The following GNAI2 variants were observed in gnomAD, a reference collection of about 807,000 sequenced individuals.
GNAI2 encodes the protein G protein subunit alpha i2, also known as guanine nucleotide-binding protein G(i) subunit alpha-2.
In GNAI2, 4 loss-of-function variants were observed where a neutral mutation model predicts 36.8. The ratio of observed to expected loss-of-function variants is 0.11; its 90% CI spans 0.05 to 0.25. GNAI2 has a LOEUF of 0.25. Among genes scored for constraint, GNAI2 ranks in the 10% least tolerant of loss-of-function variants. GNAI2 has a pLI of 1.00. For missense variants in GNAI2, 230 were observed against 481.3 expected (o/e 0.48, Z 4.89); for synonymous variants, 194 against 194.1 (o/e 1.00, Z 0.01).
In GNAI2 at chr3:50,241,473, C is replaced by G. The variant is rs587614148; in HGVS notation, c.118+5020C>G. Among the ~76,000 whole-genome samples the G allele has an allele frequency of 6.6e-5, 10 of 152,310 alleles. No homozygotes were observed. The highest frequency in any genetic ancestry group is 2.4e-4 in the African/African-American group (10 of 41,568). ...TGCTAGGCTCAGCCCCTGCCTCTCA[C>G]GCCAGTGTCAGTGCAGCCAACATGA... On this transcript the variant is annotated intron_variant, in intron 1 of 8. Transcript: ENST00000313601. This position sits in a 1 kb window ranked among gnomAD's most constrained non-coding sequence, Gnocchi z 5.0.
chr3:50,249,226 A>C (rs1700491160), intron 1 of GNAI2, among the ~76,000 whole-genome samples: 1 of 152,160 alleles, frequency 6.6e-6, no homozygotes, highest in African/African-American at 2.4e-5. Flanking sequence ...CTGCTCCTGC[A>C]GTTCCCCCCA....
chr3:50,232,140 G>A (rs1553699839), upstream of GNAI2, among the ~76,000 whole-genome samples: 1 of 152,058 alleles, frequency 6.6e-6, no homozygotes, highest in African/African-American at 2.4e-5. Context: ...GACCAGCCTG[G>A]CCAACATGGC....
Position 50,253,553 on chromosome 3 carries a change from G to A in GNAI2, c.464+369G>A, listed in dbSNP as rs1159886783. ...AGATCAGGAGATCGAGACCATCCTG[G>A]CTAACACGGTGAAACCCCGTCTCTA... On this transcript the variant is annotated intron_variant, in intron 4 of 8. Coordinates refer to ENST00000313601, the MANE Select transcript of GNAI2 (RefSeq NM_002070.4). This position sits in a 1 kb window ranked among gnomAD's most constrained non-coding sequence, Gnocchi z 4.2. Among the ~76,000 whole-genome samples the A allele has an allele frequency of 6.6e-6, 1 of 152,054 alleles. No homozygotes were observed. Among genetic ancestry groups the A allele is most frequent in the Non-Finnish European group, 1.5e-5 (1 of 68,012 alleles).
At chr3:50,257,168 A>G in intron 7 of GNAI2, 78 bp downstream of exon 7, 1 of 1,286,768 alleles carries the variant, frequency 7.8e-7, no homozygotes, top group South Asian at 1.3e-5. Flanking sequence ...GGTGGCCCTC[A>G]GGCGCCCCCC....
Position 50,238,774 on chromosome 3 carries a change from G to C in GNAI2, c.118+2321G>C, listed in dbSNP as rs1553700679. On this transcript the variant is annotated intron_variant, in intron 1 of 8. Coordinates refer to ENST00000313601, the MANE Select transcript of GNAI2 (RefSeq NM_002070.4). This position sits in a 1 kb window ranked among gnomAD's most constrained non-coding sequence, Gnocchi z 5.0. The stretch of plus-strand genomic sequence containing the variant: ...CCATGCCTTTCCCATCCAGGTGCAA[G>C]GTGGTGATGGGAGCCCAGCTGTGGT... Among the ~76,000 whole-genome samples the C allele has an allele frequency of 6.6e-6, 1 of 152,236 alleles. No individual in the cohort carries two copies. Among genetic ancestry groups the C allele is most frequent in the African/African-American group, 2.4e-5 (1 of 41,464 alleles).
At position 50,241,843 on chromosome 3, in the gene GNAI2, C is replaced by T. The variant is rs1409445580; in HGVS notation, c.118+5390C>T. ...CTGGGCAGCTTGTCAGCGGTTGGCCCTGGGTGGCCTGAGAGGTAGGGTCAC... is the reference window on the plus strand; with the variant it reads ...CTGGGCAGCTTGTCAGCGGTTGGCCTTGGGTGGCCTGAGAGGTAGGGTCAC... On this transcript the variant is annotated intron_variant, in intron 1 of 8. Coordinates refer to ENST00000313601, the MANE Select transcript of GNAI2 (RefSeq NM_002070.4). This position sits in a 1 kb window ranked among gnomAD's most constrained non-coding sequence, Gnocchi z 5.0. 6.6e-6 allele frequency among the ~76,000 whole-genome samples: 1 copy of T among 152,184 alleles called. No homozygotes were observed. Among genetic ancestry groups the T allele is most frequent in the African/African-American group, 2.4e-5 (1 of 41,440 alleles).
chr3:50,242,253 T>C lies in GNAI2; in HGVS notation c.118+5800T>C, dbSNP rs1379770205. Among the ~76,000 whole-genome samples the C allele has an allele frequency of 1.3e-5, 2 of 151,832 alleles. No homozygotes were observed. The highest frequency in any genetic ancestry group is 2.9e-5 in the Non-Finnish European group (2 of 67,968). ...GTCACCCCAGAGCCTGAGTGCTGCC[T>C]CCCCTACATCCCGTTGTGCTGTGGG... On this transcript the variant is annotated intron_variant, in intron 1 of 8. Transcript: ENST00000313601. This position sits in a 1 kb window ranked among gnomAD's most constrained non-coding sequence, Gnocchi z 4.8.
exon 1 of GNAI2, chr3:50,230,793 G>A (rs1267610589): frequency 1.0e-6 from 1 of 985,306 alleles, no homozygotes; most frequent in Non-Finnish European, 1.2e-6. Flanking sequence ...TGGGCCTGGT[G>A]GGCATGGGGT....
upstream of GNAI2, chr3:50,227,246 G>A (rs939558400): frequency 2.7e-6 from 3 of 1,107,638 alleles, no homozygotes; most frequent in South Asian, 3.7e-5. The surrounding 1 kb of genome is among the most constrained non-coding windows in gnomAD (Gnocchi z 5.9). Flanking sequence ...GGGGCCCCGC[G>A]CGGGGCAAGG....
At position 50,259,221 on chromosome 3, in the gene GNAI2, C is replaced by T; in HGVS notation, c.*878C>T. Reference sequence around the variant, plus strand: ...CTAACCTAGGAACCGCCGCTGCCTGCTGGGGGGCCACGCCCCTCATGCCCT... The same window carrying T: ...CTAACCTAGGAACCGCCGCTGCCTGTTGGGGGGCCACGCCCCTCATGCCCT... On this transcript the variant is annotated 3_prime_UTR_variant, in exon 9 of 9. Transcript: ENST00000313601. 1 of 214,444 alleles carries T rather than the reference C, an allele frequency of 4.7e-6. No homozygotes were observed. Among genetic ancestry groups the T allele is most frequent in the South Asian group, 5.8e-5 (1 of 17,244 alleles). 13.3% of individuals were successfully genotyped at this position (214,444 alleles called of 1,614,324 possible). A position where few individuals can be genotyped will look rare whatever the true frequency, so the allele number is the denominator to read the frequency against.
chr3:50,227,686 G>T (rs1237379768), upstream of GNAI2, among the ~76,000 whole-genome samples: 1 of 152,250 alleles, frequency 6.6e-6, no homozygotes, highest in African/African-American at 2.4e-5. The surrounding 1 kb of genome is among the most constrained non-coding windows in gnomAD (Gnocchi z 5.9). Flanking sequence ...AGAGAACCTG[G>T]GGGAGGTGAA....
chr3:50,245,929 G>T (rs1553701704), intron 1 of GNAI2, among the ~76,000 whole-genome samples: 2 of 152,268 alleles, frequency 1.3e-5, no homozygotes, highest in South Asian at 4.1e-4. Context: ...GCAGCCGAGT[G>T]CCAGAGACTG....
At chr3:50,228,632 A>G (rs1700018540), upstream of GNAI2, among the ~76,000 whole-genome samples, 1 of 151,674 alleles carries the variant, frequency 6.6e-6, no homozygotes, top group African/African-American at 2.4e-5. Context: ...TTGGAATGCA[A>G]TTTAAACTTT....
At chr3:50,228,342 A>C (rs1421941622), upstream of GNAI2, among the ~76,000 whole-genome samples, 1 of 152,172 alleles carries the variant, frequency 6.6e-6, no homozygotes, top group African/African-American at 2.4e-5. Flanking sequence ...ACCTGAGGCC[A>C]GGAGTTTGAG....
At position 50,242,948 on chromosome 3, in the gene GNAI2, A is replaced by C. The variant is rs1341385887; in HGVS notation, c.118+6495A>C. Among the ~76,000 whole-genome samples, 1 of 152,164 alleles carries C rather than the reference A, an allele frequency of 6.6e-6. No individual in the cohort carries two copies. Among genetic ancestry groups the C allele is most frequent in the Non-Finnish European group, 1.5e-5 (1 of 68,026 alleles). On this transcript the variant is annotated intron_variant, in intron 1 of 8. Coordinates refer to ENST00000313601, the MANE Select transcript of GNAI2 (RefSeq NM_002070.4). The surrounding 1 kb of genome is among the most constrained non-coding windows in gnomAD (Gnocchi z 4.8). Reference sequence around the variant, plus strand: ...GAGGAGGTAATGAAGTCTGCACGACATGGCAGGGCAGGGCTGGGCCTCTCG... The same window carrying C: ...GAGGAGGTAATGAAGTCTGCACGACCTGGCAGGGCAGGGCTGGGCCTCTCG...
At position 50,258,771 on chromosome 3, in the gene GNAI2, A is replaced by G; in HGVS notation, c.*428A>G. On this transcript the variant is annotated 3_prime_UTR_variant, in exon 9 of 9. Coordinates refer to ENST00000313601, the MANE Select transcript of GNAI2 (RefSeq NM_002070.4). ...AATGTTTACAGGGAGCCTCCTGCCC[A>G]GTCCCCCAACCCCAGCCGCTCGGAG... 5.3e-6 allele frequency: 2 copies of G among 378,702 alleles called. No homozygotes were observed. The highest frequency in any genetic ancestry group is 1.0e-5 in the Non-Finnish European group (2 of 197,192). The allele number at this position is 378,702 out of a possible 1,614,324, so 23.5% of individuals were successfully genotyped here.
upstream of GNAI2, among the ~76,000 whole-genome samples, chr3:50,235,619 C>CTT (rs1276653760): frequency 3.2e-4 from 48 of 151,714 alleles, no homozygotes; most frequent in African/African-American, 1.0e-3. Context: ...TGCGCCCGGC[C>CTT]TTTTTTTTTC....
chr3:50,254,936 A>G (rs1647178534), intron 4 of GNAI2, among the ~76,000 whole-genome samples: 1 of 152,170 alleles, frequency 6.6e-6, no homozygotes, highest in South Asian at 2.1e-4. Flanking sequence ...GTGTGCAGCG[A>G]GTCAGGGGGT....
At chr3:50,237,773 TGGG>T (rs1190034754) in intron 1 of GNAI2, among the ~76,000 whole-genome samples, 3 of 111,098 alleles carry the variant, frequency 2.7e-5, no homozygotes, top group Non-Finnish European at 3.7e-5. Context: ...GTTTTAGAGT[TGGG>T]GGGAGGGAGG....
Sources: allele counts gnomAD v4.1 joint callset (sites outside exome capture counted in the v4.1 genomes callset), GRCh38; gene constraint gnomAD v4.1.1; non-coding constraint Gnocchi (gnomAD v3.1); transcripts MANE v1.5; gene names NCBI Gene and HGNC (gene_info 2026-07-23, HGNC 2026-07-21).